Variants in KCNAB3 observed in about 807,000 individuals in gnomAD.
The protein encoded by KCNAB3 is potassium voltage-gated channel subfamily A regulatory beta subunit 3, also known as voltage-gated potassium channel subunit beta-3.
KCNAB3 carries 62 observed loss-of-function variants against 67.7 expected under a neutral mutation model. The ratio of observed to expected loss-of-function variants is 0.92; its 90% CI spans 0.75 to 1.13. KCNAB3 has a LOEUF of 1.13. KCNAB3 is among the 50% of genes most tolerant of loss of function. KCNAB3 has a pLI of 0.00. For synonymous variants in KCNAB3, 212 were observed against 205.4 expected, an observed-to-expected ratio of 1.03 and a Z score of -0.27; for missense variants, 514 against 522.9, an observed-to-expected ratio of 0.98 and a Z score of 0.17.
At chr17:7,925,456 G>C in intron 7 of KCNAB3, 3 of 610,784 alleles carry the variant, frequency 4.9e-6, no homozygotes, top group Non-Finnish European at 8.7e-6. Flanking sequence ...TTGAACCCGG[G>C]AGGAGGAGGT....
chr17:7,926,384 A>G (rs1294205673), intron 4 of KCNAB3, among the ~76,000 whole-genome samples: 1 of 152,174 alleles, frequency 6.6e-6, no homozygotes, highest in Non-Finnish European at 1.5e-5. Flanking sequence ...GAGAGGGGCC[A>G]ACTATGGTGG....
At chr17:7,924,850 C>A in intron 8 of KCNAB3, 1 of 585,432 alleles carries the variant, frequency 1.7e-6, no homozygotes, top group Non-Finnish European at 2.8e-6. Flanking sequence ...TTGAATGATC[C>A]TCCTGCCTCA....
At position 7,923,028 on chromosome 17, in the gene KCNAB3, G is replaced by A. The variant is rs1972088774; in HGVS notation, c.*74C>T. 2 of 1,416,030 alleles carry A rather than the reference G, an allele frequency of 1.4e-6. No individual in the cohort carries two copies. Among genetic ancestry groups the A allele is most frequent in the East Asian group, 4.6e-5 (2 of 43,932 alleles). 87.7% of individuals were successfully genotyped at this position (1,416,030 alleles called of 1,614,324 possible). ...CCGCTGCGTGGAGGGATCCGGAGCG[G>A]GAGAGGCGGCTGCGAGGAGCGGGGC... is the stretch of plus-strand genomic sequence containing the variant. On this transcript the variant is annotated 3_prime_UTR_variant, in exon 14 of 14. Coordinates refer to ENST00000303790, the MANE Select transcript of KCNAB3 (RefSeq NM_004732.4).
chr17:7,923,166 A>C lies in KCNAB3; in HGVS notation c.1151T>G (p.Leu384Arg), dbSNP rs761460119. The C allele has an allele frequency of 2.7e-5, 43 of 1,614,058 alleles. No individual in the cohort carries two copies. The highest frequency in any genetic ancestry group is 3.3e-5 in the Non-Finnish European group (39 of 1,180,020). The change falls in exon 14 of 14, where the codon CTG becomes CGG. Residue 384 changes from leucine to arginine, a missense_variant. Physicochemically the swap from Leu to Arg is moderately radical, Grantham distance 102. Transcript: ENST00000303790. ...HLGALQVLSQ[L>R]TPQTVMEIDG... ...TATTTCCATCACTGTCTGCGGGGTC[A>C]GCTGGCTCAGCACCTGGAGGAGAGT... is the stretch of plus-strand genomic sequence containing the variant.
At position 7,927,677 on chromosome 17, in the gene KCNAB3, C is replaced by G; in HGVS notation, c.304G>C (p.Gly102Arg). The G allele has an allele frequency of 6.2e-7, 1 of 1,614,152 alleles. No homozygotes were observed. Among genetic ancestry groups the G allele is most frequent in the Admixed American group, 1.7e-5 (1 of 60,014 alleles). ...TATACCTCATCTGAGATCTGAGAAC[C>G]AAATGTGACCCAGGTACCTGCAAGA... ...CLGLGTWVTFGSQISDETAED... is the reference protein window; with the variant it reads ...CLGLGTWVTFRSQISDETAED... The change falls in exon 3 of 14, where the codon GGT (glycine) becomes CGT (arginine). Residue 102 changes from glycine to arginine, a missense_variant. Gly to Arg is a moderately radical substitution (Grantham distance 125). Coordinates refer to ENST00000303790, the MANE Select transcript of KCNAB3 (RefSeq NM_004732.4).
At chr17:7,923,917 C>A (rs1167525727) in intron 11 of KCNAB3, 51 bp downstream of exon 11, 4 of 1,578,978 alleles carry the variant, frequency 2.5e-6, no homozygotes, top group East Asian at 2.3e-5. Flanking sequence ...TAACTCCCCC[C>A]AAAGCAGCCC....
In KCNAB3 at chr17:7,923,053, C is replaced by T. The variant is rs1199899982; in HGVS notation, c.*49G>A. ...GGAGAGGCGGCTGCGAGGAGCGGGG[C>T]TCGGGCGGGTGCAGCGACACCGGGT... On this transcript the variant is annotated 3_prime_UTR_variant, in exon 14 of 14. Transcript: ENST00000303790. The T allele has an allele frequency of 4.5e-6, 7 of 1,568,056 alleles. No homozygotes were observed. Among genetic ancestry groups the T allele is most frequent in the Non-Finnish European group, 6.1e-6 (7 of 1,138,824 alleles).
chr17:7,926,627 G>T (rs372685957), intron 4 of KCNAB3, among the ~76,000 whole-genome samples: 3 of 152,208 alleles, frequency 2.0e-5, no homozygotes, highest in African/African-American at 7.2e-5. Context: ...GTCTTAAGTT[G>T]TCATGGTGGA....
chr17:7,924,353 G>C, intron 9 of KCNAB3, 62 bp downstream of exon 9: 37 of 1,608,498 alleles, frequency 2.3e-5, no homozygotes, highest in Non-Finnish European at 3.1e-5. Context: ...GGGCTTTGGA[G>C]TAACCACGTG....
Position 7,924,591 on chromosome 17 carries a change from C to T in KCNAB3, c.626-91G>A, listed in dbSNP as rs138996808. On this transcript the variant is annotated intron_variant, in intron 8 of 13. Transcript: ENST00000303790. ...GACCTCCACCTGCCCCACCAAGGCC[C>T]CAGGCAACTCTATGGAGTCATGAAA... 453 of 1,494,152 alleles carry T rather than the reference C, an allele frequency of 3.0e-4. 2 individuals carry two copies. In the African/African-American group the frequency reaches 5.7e-3, roughly 19 times the overall value. The allele number at this position is 1,494,152 out of a possible 1,614,324, so 92.6% of individuals were successfully genotyped here.
At chr17:7,924,340 A>C (rs1354382495) in intron 9 of KCNAB3, 75 bp from the exon 10 acceptor site, 1 of 1,610,198 alleles carries the variant, frequency 6.2e-7, no homozygotes, top group Non-Finnish European at 8.5e-7. Context: ...CCCCCAGTGC[A>C]GTGGGCTTTG....
At position 7,924,482 on chromosome 17, in the gene KCNAB3, G is replaced by T. The variant is rs1021867975; in HGVS notation, c.644C>A (p.Thr215Asn). 6.2e-7 allele frequency: 1 copy of T among 1,613,980 alleles called. No homozygotes were observed. Among genetic ancestry groups the T allele is most frequent in the South Asian group, 1.1e-5 (1 of 91,062 alleles). Reference protein sequence around the residue: ...CPMEEIVRAMTYVINQGLALY... With the variant: ...CPMEEIVRAMNYVINQGLALY... ...GGCCAGGCCCTGGTTGATGACATAG[G>T]TCATGGCTCGCACAATCTCTAGGTA... The change falls in exon 9 of 14, where the codon ACC becomes AAC. Residue 215 changes from threonine (T) to asparagine (N), a missense_variant. By Grantham distance (65) the Thr-to-Asn change is moderately conservative. Coordinates refer to ENST00000303790, the MANE Select transcript of KCNAB3 (RefSeq NM_004732.4).
At position 7,929,508 on chromosome 17, in the gene KCNAB3, G is replaced by A. The variant is rs531859369; in HGVS notation, c.-73C>T. ...GGAGCAGGGAAGCCCGAGGGCTGAC[G>A]ACCGGGGGCGTAGTGGGGCGAACCC... On this transcript the variant is annotated 5_prime_UTR_variant, in exon 1 of 14. Coordinates refer to ENST00000303790, the MANE Select transcript of KCNAB3 (RefSeq NM_004732.4). The surrounding 1 kb of genome is among the most constrained non-coding windows in gnomAD (Gnocchi z 5.7). The A allele has an allele frequency of 7.8e-6, 12 of 1,530,778 alleles. No individual in the cohort carries two copies. The highest frequency in any genetic ancestry group is 3.6e-5 in the South Asian group (3 of 82,834). The allele number at this position is 1,530,778 out of a possible 1,614,324, so 94.8% of individuals were successfully genotyped here. A position where few individuals can be genotyped will look rare whatever the true frequency, so the allele number is the denominator to read the frequency against.
At position 7,929,822 on chromosome 17, in the gene KCNAB3, TGG is replaced by T; in HGVS notation, c.-389_-388del. On this transcript the variant is annotated 5_prime_UTR_variant, in exon 1 of 14. Transcript: ENST00000303790. This position sits in a 1 kb window ranked among gnomAD's most constrained non-coding sequence, Gnocchi z 5.7. ...CAGCGCGAACCGCTGCGGGACCCGC[TGG>T]GCTCCCAGCCGCGTCGGCAGCGGGC... The T allele has an allele frequency of 2.8e-5, 30 of 1,066,402 alleles. No individual in the cohort carries two copies. Among genetic ancestry groups the T allele is most frequent in the Admixed American group, 1.6e-4 (3 of 19,138 alleles). The allele number at this position is 1,066,402 out of a possible 1,614,324, so 66.1% of individuals were successfully genotyped here. A position where few individuals can be genotyped will look rare whatever the true frequency, so the allele number is the denominator to read the frequency against.
Position 7,929,834 on chromosome 17 carries a change from C to CTCTT in KCNAB3, c.-400_-399insAAGA. On this transcript the variant is annotated 5_prime_UTR_variant, in exon 1 of 14. Transcript: ENST00000303790. The surrounding 1 kb of genome is among the most constrained non-coding windows in gnomAD (Gnocchi z 5.7). ...CTGCGGGACCCGCTGGGCTCCCAGCCGCGTCGGCAGCGGGCCCAGCTCATC... is the reference window on the plus strand; with the variant it reads ...CTGCGGGACCCGCTGGGCTCCCAGCCTCTTGCGTCGGCAGCGGGCCCAGCTCATC... 11 of 1,026,766 alleles carry CTCTT rather than the reference C, an allele frequency of 1.1e-5. No individual in the cohort carries two copies. The highest frequency in any genetic ancestry group is 1.1e-4 in the South Asian group (3 of 28,098). 63.6% of individuals were successfully genotyped at this position (1,026,766 alleles called of 1,614,324 possible).
Position 7,927,709 on chromosome 17 carries a change from C to A in KCNAB3, c.287-15G>T, listed in dbSNP as rs753030376. ...GACCCAGGTACCTGCAAGAGAGAAGCCAGGCACATGAGAACTGCAGGGGGC... is the reference window on the plus strand; with the variant it reads ...GACCCAGGTACCTGCAAGAGAGAAGACAGGCACATGAGAACTGCAGGGGGC... On this transcript the variant is annotated splice_polypyrimidine_tract_variant and intron_variant, in intron 2 of 13. Coordinates refer to ENST00000303790, the MANE Select transcript of KCNAB3 (RefSeq NM_004732.4). The A allele has an allele frequency of 9.9e-6, 16 of 1,614,170 alleles. No individual in the cohort carries two copies. The highest frequency in any genetic ancestry group is 1.3e-5 in the Non-Finnish European group (15 of 1,180,028).
intron 7 of KCNAB3, 137 bp downstream of exon 7, chr17:7,925,546 A>G (rs1972198007): frequency 7.7e-6 from 6 of 776,676 alleles, no homozygotes; most frequent in Non-Finnish European, 1.3e-5. Context: ...AAAAAAAAAA[A>G]AAAAAGAATT....
Position 7,929,149 on chromosome 17 carries a change from C to T in KCNAB3, c.242+45G>A. On this transcript the variant is annotated intron_variant, in intron 1 of 13. Coordinates refer to ENST00000303790, the MANE Select transcript of KCNAB3 (RefSeq NM_004732.4). The surrounding 1 kb of genome is among the most constrained non-coding windows in gnomAD (Gnocchi z 5.7). ...GCCATCTCAAGCAGTCTCAGGGGTC[C>T]CGAAAGGAAAGCGGAAGGGGTGGGC... 1 of 1,604,148 alleles carries T rather than the reference C, an allele frequency of 6.2e-7. No individual in the cohort carries two copies. The highest frequency in any genetic ancestry group is 8.5e-7 in the Non-Finnish European group (1 of 1,176,676).
intron 9 of KCNAB3, 26 bp downstream of exon 9, chr17:7,924,389 G>A (rs572025169): frequency 6.2e-7 from 1 of 1,610,986 alleles, no homozygotes; most frequent in African/African-American, 1.3e-5. Flanking sequence ...TTGTGGGACA[G>A]GGGCAAGGTG....
Sources: allele counts gnomAD v4.1 joint callset (sites outside exome capture counted in the v4.1 genomes callset), GRCh38; gene constraint gnomAD v4.1.1; non-coding constraint Gnocchi (gnomAD v3.1); transcripts MANE v1.5; gene names NCBI Gene and HGNC (gene_info 2026-07-23, HGNC 2026-07-21).